Variants in LRRC23 observed in about 807,000 individuals in gnomAD.
LRRC23 encodes leucine-rich repeat-containing protein 23.
A neutral mutation model predicts 37.7 loss-of-function variants in LRRC23; 28 were observed. That is an observed-to-expected ratio of 0.74 (90% CI 0.55 to 1.02). The LOEUF (loss-of-function observed/expected upper bound fraction) is 1.02, where lower values mean the gene tolerates loss of function less well. Among genes scored for constraint, LRRC23 ranks in the 50% least tolerant of loss-of-function variants. The pLI is 0.00. For synonymous variants in LRRC23, 161 were observed against 165.4 expected, an observed-to-expected ratio of 0.97 and a Z score of 0.20; for missense variants, 377 against 413.2, an observed-to-expected ratio of 0.91 and a Z score of 0.76.
At chr12:6,912,303 G>A (rs181408253) in intron 6 of LRRC23, among the ~76,000 whole-genome samples, 1 of 152,048 alleles carries the variant, frequency 6.6e-6, no homozygotes, top group East Asian at 1.9e-4. Context: ...ATGCCATCAC[G>A]CCCAGCTAAT....
At chr12:6,905,210 G>A in intron 1 of LRRC23, 135 bp downstream of exon 1, 1 of 184,330 alleles carries the variant, frequency 5.4e-6, no homozygotes, top group Admixed American at 5.4e-5. Flanking sequence ...CAGGGATTAC[G>A]GATGGCGCAA....
rs1945244468 is a variant in LRRC23 at position 6,913,671 on chromosome 12, TCTC to T, written c.*25-217_*25-215del. 6 of 216,410 alleles carry T rather than the reference TCTC, an allele frequency of 2.8e-5. No homozygotes were observed. In the East Asian group the frequency reaches 6.6e-4, roughly 24 times the overall value. The allele number at this position is 216,410 out of a possible 1,614,324, so 13.4% of individuals were successfully genotyped here. Reference sequence around the variant, plus strand: ...CTTCCACCTCCTGGGTTCAAGCAATTCTCCTGCCTCAGCCTCCCGAGTAGCTGG... The same window carrying T: ...CTTCCACCTCCTGGGTTCAAGCAATTCTGCCTCAGCCTCCCGAGTAGCTGG... On this transcript the variant is annotated intron_variant, in intron 7 of 7. Transcript: ENST00000443597.
At position 6,912,872 on chromosome 12, in the gene LRRC23, C is replaced by T. The variant is rs782789545; in HGVS notation, c.901C>T (p.Arg301Cys). ...EALVQMPYLE[R>C]LDKEFYEEEE... ...CCTGGTGCAGATGCCATACCTTGAA[C>T]GCCTGGACAAGGAATTCTATGAGGA... Residue 301 changes from arginine to cysteine, a missense_variant, in exon 7 of 8, where the codon CGC becomes TGC. Arg to Cys is a radical substitution (Grantham distance 180). Around this residue, in one of 3 missense-constraint regions of LRRC23, gnomAD observed 266 missense variants for 285.6 expected, o/e 0.93. Transcript: ENST00000443597. 30 of 1,614,024 alleles carry T rather than the reference C, an allele frequency of 1.9e-5. No individual in the cohort carries two copies. The highest frequency in any genetic ancestry group is 2.7e-5 in the African/African-American group (2 of 74,902).
Position 6,905,679 on chromosome 12 carries a change from G to A in LRRC23, c.46G>A (p.Asp16Asn). Reference protein sequence around the residue: ...DLEDSEPDQDDSEKEEDEKET... With the variant: ...DLEDSEPDQDNSEKEEDEKET... ...AGAAGACTCTGAGCCAGACCAGGAT[G>A]ATTCTGAGAAAGAAGAGGACGAGAA... Residue 16 changes from aspartate (D) to asparagine (N), a missense_variant, in exon 2 of 8, where the codon GAT becomes AAT. By Grantham distance (23) the Asp-to-Asn change is conservative. This residue lies in a region of LRRC23 where 106 missense variants were observed against 105.9 expected (regional missense o/e 1.00). Coordinates refer to ENST00000443597, the MANE Select transcript of LRRC23 (RefSeq NM_001135217.2). The A allele has an allele frequency of 1.9e-6, 3 of 1,613,770 alleles. No individual in the cohort carries two copies. Among genetic ancestry groups the A allele is most frequent in the South Asian group, 2.2e-5 (2 of 91,060 alleles).
chr12:6,907,555 T>A, intron 5 of LRRC23, 110 bp downstream of exon 5: 5 of 1,132,286 alleles, frequency 4.4e-6, no homozygotes, highest in Non-Finnish European at 6.6e-6. Context: ...TGATAATAAC[T>A]GGTATTATTA....
intron 6 of LRRC23, 139 bp downstream of exon 6, chr12:6,910,165 C>A: frequency 6.4e-6 from 5 of 781,426 alleles, no homozygotes; most frequent in Non-Finnish European, 1.0e-5. Context: ...TCCTTCCTTT[C>A]TTCTGCACTG....
intron 3 of LRRC23, 28 bp from the exon 4 acceptor site, chr12:6,906,381 G>T: frequency 1.2e-6 from 2 of 1,607,608 alleles, no homozygotes; most frequent in Non-Finnish European, 1.7e-6. Flanking sequence ...CCCTAAACCT[G>T]GTTTCTTCTC....
chr12:6,912,961 T>G lies in LRRC23; in HGVS notation c.990T>G (p.Pro330=). 3 of 1,614,106 alleles carry G rather than the reference T, an allele frequency of 1.9e-6. No homozygotes were observed. Among genetic ancestry groups the G allele is most frequent in the Non-Finnish European group, 2.5e-6 (3 of 1,180,032 alleles). Reference sequence around the variant, plus strand: ...TGAAGGAAGAAAAGGAGCAGGAGCCTGAGCCCCAGCGTGACCTGGAACCCG... The same window carrying G: ...TGAAGGAAGAAAAGGAGCAGGAGCCGGAGCCCCAGCGTGACCTGGAACCCG... The part of the protein sequence containing the change: ...QRLKEEKEQE[P]EPQRDLEPEQ... The change falls in exon 7 of 8, where the codon CCT becomes CCG. Residue 330 remains proline, a synonymous_variant. Coordinates refer to ENST00000443597, the MANE Select transcript of LRRC23 (RefSeq NM_001135217.2).
intron 5 of LRRC23, among the ~76,000 whole-genome samples, chr12:6,908,323 G>A (rs1353881139): frequency 1.3e-5 from 2 of 152,052 alleles, no homozygotes; most frequent in African/African-American, 2.4e-5. Flanking sequence ...CAGGCCGGGC[G>A]CGGTGGCTCA....
chr12:6,907,739 C>T, intron 5 of LRRC23: 1 of 577,886 alleles, frequency 1.7e-6, no homozygotes, highest in Admixed American at 3.0e-5. Flanking sequence ...GAAAACCCTC[C>T]TCTCAGACTG....
At position 6,909,938 on chromosome 12, in the gene LRRC23, C is replaced by G. The variant is rs1396432908; in HGVS notation, c.670C>G (p.Leu224Val). ...KVEGLEDLSNLTTLHLRDNQI... is the reference protein window; with the variant it reads ...KVEGLEDLSNVTTLHLRDNQI... ...GGAAGGCTTGGAGGATCTGAGCAAT[C>G]TCACCACCTTGCATCTTCGAGACAA... The change falls in exon 6 of 8, where the codon CTC becomes GTC. Residue 224 changes from leucine to valine, a missense_variant. Leu to Val is a conservative substitution (Grantham distance 32). Around this residue, in one of 3 missense-constraint regions of LRRC23, gnomAD observed 266 missense variants for 285.6 expected, o/e 0.93. Coordinates refer to ENST00000443597, the MANE Select transcript of LRRC23 (RefSeq NM_001135217.2). 5.0e-6 allele frequency: 8 copies of G among 1,613,958 alleles called. No homozygotes were observed. In the African/African-American group the frequency reaches 1.1e-4, roughly 22 times the overall value.
intron 3 of LRRC23, 58 bp from the exon 4 acceptor site, chr12:6,906,351 A>T: frequency 6.4e-7 from 1 of 1,557,782 alleles, no homozygotes; most frequent in Non-Finnish European, 8.7e-7. Context: ...CAACTCTGCC[A>T]GTCCTCACTG....
intron 5 of LRRC23, among the ~76,000 whole-genome samples, chr12:6,908,622 C>CAAAA (rs1565552999): frequency 1.5e-5 from 1 of 65,706 alleles, no homozygotes; most frequent in African/African-American, 5.7e-5. Flanking sequence ...AAAAAAAAAC[C>CAAAA]AAAGAAAAAC....
chr12:6,907,184 TCTGGAG>T, intron 4 of LRRC23, 125 bp from the exon 5 acceptor site: 1 of 1,058,438 alleles, frequency 9.4e-7, no homozygotes, highest in Non-Finnish European at 1.4e-6. Flanking sequence ...AGGTATTAAG[TCTGGAG>T]CTGGCCTTCC....
intron 3 of LRRC23, 124 bp from the exon 4 acceptor site, chr12:6,906,285 C>A: frequency 1.1e-6 from 1 of 917,946 alleles, no homozygotes; most frequent in Non-Finnish European, 1.7e-6. Flanking sequence ...CCCCTACCAT[C>A]TGTTGCCCAT....
chr12:6,913,723 C>G (rs1945247389), intron 7 of LRRC23, 168 bp from the exon 8 acceptor site: 1 of 485,154 alleles, frequency 2.1e-6, no homozygotes, highest in African/African-American at 2.0e-5. Flanking sequence ...TGCAACCGCG[C>G]CTGGCTAATT....
chr12:6,914,148 G>A lies in LRRC23; in HGVS notation c.*282G>A, dbSNP rs1482709507. 22 of 1,385,104 alleles carry A rather than the reference G, an allele frequency of 1.6e-5. No individual in the cohort carries two copies. The East Asian group carries it at 2.7e-4, about 17-fold the overall frequency. The allele number at this position is 1,385,104 out of a possible 1,614,324, so 85.8% of individuals were successfully genotyped here. ...GGTGAGAGCCAAGACCGCGTGGGCC[G>A]CGGGGTGCTGGTAGGAGTGGTTGGA... On this transcript the variant is annotated 3_prime_UTR_variant, in exon 8 of 8. Coordinates refer to ENST00000443597, the MANE Select transcript of LRRC23 (RefSeq NM_001135217.2). The surrounding 1 kb of genome is among the most constrained non-coding windows in gnomAD (Gnocchi z 7.1).
At chr12:6,910,623 C>T (rs1001984581) in intron 6 of LRRC23, among the ~76,000 whole-genome samples, 2 of 152,088 alleles carry the variant, frequency 1.3e-5, no homozygotes, top group African/African-American at 4.8e-5. Flanking sequence ...GCGGGAGGAT[C>T]GCTGGAGCCT....
At chr12:6,913,112 A>G in intron 7 of LRRC23, 85 bp downstream of exon 7, 2 of 1,358,310 alleles carry the variant, frequency 1.5e-6, no homozygotes, top group Non-Finnish European at 2.0e-6. Flanking sequence ...CTGCTGCAGA[A>G]GGAGGTGGGA....
Sources: gnomAD v4.1 joint callset for allele counts (sites outside exome capture counted in the v4.1 genomes callset) on GRCh38, gnomAD v4.1.1 for gene constraint, gnomAD v4.1.1 regional missense constraint, Gnocchi (gnomAD v3.1) non-coding constraint, MANE v1.5 for transcripts, NCBI Gene and HGNC (gene_info 2026-07-23, HGNC 2026-07-21) for gene names.